Variants in CALN1 observed in about 807,000 individuals in gnomAD.
The protein encoded by CALN1 is calcium-binding protein 8.
In CALN1, 17 loss-of-function variants were observed where a neutral mutation model predicts 30.6. That is an observed-to-expected ratio of 0.56 (90% confidence interval 0.38 to 0.83). CALN1 has a LOEUF of 0.83. Among genes scored for constraint, CALN1 ranks in the 40% least tolerant of loss-of-function variants. The pLI is 0.00. For synonymous variants in CALN1, 156 were observed against 131.4 expected (o/e 1.19, Z -1.28); for missense variants, 291 against 354.9 (o/e 0.82, Z 1.45).
intron 2 of CALN1, among the ~76,000 whole-genome samples, chr7:72,302,072 G>GA (rs1214931765): frequency 5.3e-5 from 8 of 152,028 alleles, no homozygotes; most frequent in African/African-American, 1.4e-4. Context: ...AGGAATTGAA[G>GA]AAAGTTTAAA....
chr7:72,349,152 G>A (rs1316362247), intron 2 of CALN1, among the ~76,000 whole-genome samples: 2 of 152,238 alleles, frequency 1.3e-5, no homozygotes, highest in East Asian at 3.9e-4. Flanking sequence ...AACTGAAGCA[G>A]AGAAAGAATG....
At chr7:72,273,003 A>G (rs1253381711) in intron 3 of CALN1, among the ~76,000 whole-genome samples, 1 of 151,924 alleles carries the variant, frequency 6.6e-6, no homozygotes, top group East Asian at 1.9e-4. Flanking sequence ...ACATAGATGG[A>G]GAATTCTGTG....
chr7:72,095,031 C>CAA (rs1346580291), intron 4 of CALN1, among the ~76,000 whole-genome samples: 2 of 152,058 alleles, frequency 1.3e-5, no homozygotes, highest in Non-Finnish European at 2.9e-5. Flanking sequence ...GTTTCAATGT[C>CAA]CTGTTGTCAC....
intron 3 of CALN1, among the ~76,000 whole-genome samples, chr7:72,182,428 A>C (rs1398214880): frequency 2.0e-5 from 3 of 152,200 alleles, no homozygotes; most frequent in Non-Finnish European, 2.9e-5. Context: ...AAGATGACTG[A>C]AATTCATTTT....
chr7:72,248,422 A>T (rs1186071208), intron 3 of CALN1, among the ~76,000 whole-genome samples: 4 of 152,110 alleles, frequency 2.6e-5, no homozygotes, highest in Non-Finnish European at 5.9e-5. Context: ...TCACTTCCAG[A>T]GGTGGCCTGC....
intron 5 of CALN1, among the ~76,000 whole-genome samples, chr7:71,934,519 G>C (rs1031432266): frequency 1.3e-5 from 2 of 152,186 alleles, no homozygotes; most frequent in African/African-American, 4.8e-5. Context: ...AGGGGGAACA[G>C]GTGTGCCACG....
At chr7:72,268,330 CA>C (rs199539050) in intron 3 of CALN1, among the ~76,000 whole-genome samples, 2 of 148,922 alleles carry the variant, frequency 1.3e-5, no homozygotes, top group African/African-American at 2.5e-5. Context: ...TTGAAGCAGA[CA>C]AAAAAAAAGA....
chr7:72,338,342 T>C (rs1205565794), intron 2 of CALN1, among the ~76,000 whole-genome samples: 1 of 152,142 alleles, frequency 6.6e-6, no homozygotes, highest in African/African-American at 2.4e-5. Flanking sequence ...GTGAAAAATT[T>C]CACACCAATC....
chr7:72,343,322 G>A (rs929344923), intron 2 of CALN1, among the ~76,000 whole-genome samples: 1 of 152,088 alleles, frequency 6.6e-6, no homozygotes, highest in African/African-American at 2.4e-5. Context: ...CGACGCGGGT[G>A]GATCACTTGA....
chr7:72,342,825 T>C (rs966898131), intron 2 of CALN1, among the ~76,000 whole-genome samples: 3 of 152,108 alleles, frequency 2.0e-5, no homozygotes, highest in South Asian at 2.1e-4. Context: ...AAAAGATTCA[T>C]TGCACTCTGA....
chr7:72,412,541 G>A (rs1807252690), upstream of CALN1, among the ~76,000 whole-genome samples: 1 of 152,070 alleles, frequency 6.6e-6, no homozygotes, highest in African/African-American at 2.4e-5. Flanking sequence ...GCACCGATTG[G>A]TGCATTTACA....
intron 1 of CALN1, among the ~76,000 whole-genome samples, chr7:72,440,627 G>C (rs1808315798): frequency 6.6e-6 from 1 of 152,228 alleles, no homozygotes; most frequent in Admixed American, 6.5e-5. Flanking sequence ...AGGAGTTCAA[G>C]ATCAGCCTGG....
chr7:72,219,827 G>C (rs781274416), intron 3 of CALN1, among the ~76,000 whole-genome samples: 1 of 152,080 alleles, frequency 6.6e-6, no homozygotes, highest in Non-Finnish European at 1.5e-5. Context: ...TGGCTGAACT[G>C]TCAATAGGGT....
At chr7:72,232,200 G>A (rs1048609353) in intron 3 of CALN1, among the ~76,000 whole-genome samples, 18 of 152,176 alleles carry the variant, frequency 1.2e-4, no homozygotes, top group Admixed American at 1.2e-3. Context: ...GCTCCGGCAA[G>A]GGGTTTAGAT....
At chr7:72,214,658 C>G (rs1480680768) in intron 3 of CALN1, among the ~76,000 whole-genome samples, 1 of 151,886 alleles carries the variant, frequency 6.6e-6, no homozygotes, top group Middle Eastern at 3.2e-3. Flanking sequence ...ATCAGGGGTC[C>G]CCAACCACCA....
chr7:72,384,819 G>T (rs1805113643), intron 2 of CALN1, among the ~76,000 whole-genome samples: 1 of 151,982 alleles, frequency 6.6e-6, no homozygotes, highest in Non-Finnish European at 1.5e-5. Flanking sequence ...TACTAGTTTG[G>T]ACATTATTAA....
chr7:72,502,279 T>C, the CALN1 span, among the ~76,000 whole-genome samples: 3 of 150,164 alleles, frequency 2.0e-5, no homozygotes, highest in Non-Finnish European at 4.4e-5. Flanking sequence ...ATAGAAGGGA[T>C]TGGCTTTAAA....
intron 3 of CALN1, among the ~76,000 whole-genome samples, chr7:72,219,222 AT>A (rs150840768): frequency 6.6e-6 from 1 of 151,978 alleles, no homozygotes; most frequent in Non-Finnish European, 1.5e-5. Flanking sequence ...AATGCCCGTC[AT>A]TTTTTCTTCA....
intron 2 of CALN1, among the ~76,000 whole-genome samples, chr7:72,299,573 T>C (rs776766254): frequency 1.6e-4 from 25 of 151,962 alleles, no homozygotes; most frequent in Non-Finnish European, 2.5e-4. Flanking sequence ...ATGCAAAGAC[T>C]GTATGATCAG....
Sources: allele counts gnomAD v4.1 joint callset (sites outside exome capture counted in the v4.1 genomes callset), GRCh38; gene constraint gnomAD v4.1.1; transcripts MANE v1.5; gene names NCBI Gene and HGNC (gene_info 2026-07-23, HGNC 2026-07-21).